SLC26A5: variants seen among roughly 807,000 people sequenced by gnomAD.
SLC26A5 encodes the protein solute carrier family 26 member 5.
Under a neutral mutation model 81.0 loss-of-function variants are expected in SLC26A5, and 51 were observed. That is an observed-to-expected ratio of 0.63 (90% CI 0.50 to 0.80). SLC26A5 has a LOEUF of 0.80. Among genes scored for constraint, SLC26A5 ranks in the 30% least tolerant of loss-of-function variants. SLC26A5 has a pLI of 0.00. For missense variants in SLC26A5, 771 were observed against 905.8 expected, an observed-to-expected ratio of 0.85 and a Z score of 1.91; for synonymous variants, 325 against 332.8, an observed-to-expected ratio of 0.98 and a Z score of 0.25.
chr7:103,388,883 C>A (rs1586243835), intron 14 of SLC26A5, 125 bp downstream of exon 14: 1 of 715,970 alleles, frequency 1.4e-6, no homozygotes, highest in East Asian at 2.8e-5. Context: ...TTATAGCTCC[C>A]TCTCACGCTA....
intron 16 of SLC26A5, among the ~76,000 whole-genome samples, chr7:103,378,917 A>G (rs556712255): frequency 3.8e-4 from 58 of 152,248 alleles, no homozygotes; most frequent in African/African-American, 1.4e-3. Context: ...AAAGGAATCT[A>G]CATGATCCCA....
chr7:103,395,542 A>T (rs1211033292), intron 9 of SLC26A5, among the ~76,000 whole-genome samples: 11 of 98,892 alleles, frequency 1.1e-4, no homozygotes, highest in African/African-American at 3.1e-4. Context: ...TTTTTTTTTG[A>T]GATGGTGTTT....
intron 19 of SLC26A5, among the ~76,000 whole-genome samples, chr7:103,357,183 G>C (rs1820082834): frequency 6.6e-6 from 1 of 152,002 alleles, no homozygotes. Context: ...AAAATTAACT[G>C]GGTGTGGTGG....
chr7:103,384,171 G>C (rs1343682438), intron 14 of SLC26A5, among the ~76,000 whole-genome samples: 1 of 151,900 alleles, frequency 6.6e-6, no homozygotes, highest in African/African-American at 2.4e-5. Context: ...TTTGGTAGAG[G>C]CATGGTCTTA....
At chr7:103,363,346 G>A in intron 19 of SLC26A5, 1 of 1,611,086 alleles carries the variant, frequency 6.2e-7, no homozygotes, top group Non-Finnish European at 8.5e-7. Flanking sequence ...TCTCTTAGGT[G>A]GAAGAGAAAC....
chr7:103,362,708 A>G (rs771485377), intron 19 of SLC26A5: 1 of 1,606,100 alleles, frequency 6.2e-7, no homozygotes, highest in East Asian at 2.2e-5. Flanking sequence ...TAAATATCAA[A>G]TTCACATTCC....
Position 103,367,343 on chromosome 7 carries a change from A to T in SLC26A5, c.2041+9465T>A. 6.8e-7 allele frequency: 1 copy of T among 1,464,962 alleles called. No homozygotes were observed. The highest frequency in any genetic ancestry group is 9.5e-7 in the Non-Finnish European group (1 of 1,052,234). 90.7% of individuals were successfully genotyped at this position (1,464,962 alleles called of 1,614,324 possible). ...CATGATTTGAGCTGAGATTTTTGGTACTTTCAGGTCATGCATAGTGCTACT... is the reference window on the plus strand; with the variant it reads ...CATGATTTGAGCTGAGATTTTTGGTTCTTTCAGGTCATGCATAGTGCTACT... On this transcript the variant is annotated intron_variant, in intron 19 of 19. Transcript: ENST00000339444. This position sits in a 1 kb window ranked among gnomAD's most constrained non-coding sequence, Gnocchi z 6.1.
chr7:103,440,516 T>C (rs548041764), intron 2 of SLC26A5, among the ~76,000 whole-genome samples: 218 of 152,382 alleles, frequency 1.4e-3, no homozygotes, highest in African/African-American at 5.1e-3. Context: ...GTTGAAATTA[T>C]GACAAATCTA....
intron 9 of SLC26A5, among the ~76,000 whole-genome samples, chr7:103,396,595 G>C (rs1476930928): frequency 4.6e-5 from 7 of 152,186 alleles, no homozygotes; most frequent in African/African-American, 1.7e-4. Context: ...AATGCTGTAT[G>C]ATTCCACTTA....
At chr7:103,423,607 T>A (rs577807294) in intron 2 of SLC26A5, among the ~76,000 whole-genome samples, 23 of 152,248 alleles carry the variant, frequency 1.5e-4, no homozygotes, top group Non-Finnish European at 3.1e-4. Flanking sequence ...TTCACCCCCT[T>A]TCATCCCTTC....
chr7:103,382,610 A>G lies in SLC26A5; in HGVS notation c.1515-2061T>C, dbSNP rs1484542011. 2.0e-5 allele frequency among the ~76,000 whole-genome samples: 3 copies of G among 152,072 alleles called. No individual in the cohort carries two copies. In the East Asian group the frequency reaches 5.8e-4, roughly 29 times the overall value. On this transcript the variant is annotated intron_variant, in intron 14 of 19. Coordinates refer to ENST00000306312, the MANE Select transcript of SLC26A5 (RefSeq NM_198999.3). ...AGTCATCTACCCACCTCGGCCTCCC[A>G]AAGTGCCAGGATTACAGACAGGCAT... is the stretch of plus-strand genomic sequence containing the variant.
At chr7:103,363,014 G>C (rs530597545) in intron 19 of SLC26A5, among the ~76,000 whole-genome samples, 21 of 152,024 alleles carry the variant, frequency 1.4e-4, no homozygotes, top group Middle Eastern at 3.4e-3. Context: ...GACTGGTTTC[G>C]AACTCATGAC....
chr7:103,419,141 G>C (rs1350695771), intron 4 of SLC26A5, among the ~76,000 whole-genome samples: 1 of 152,164 alleles, frequency 6.6e-6, no homozygotes, highest in Non-Finnish European at 1.5e-5. Context: ...TGCCATGATT[G>C]TGAGGCCTCC....
chr7:103,377,676 C>A lies in SLC26A5; in HGVS notation c.1909G>T (p.Asp637Tyr). Residue 637 changes from aspartate to tyrosine, a missense_variant, in exon 18 of 20, where the codon GAT becomes TAT. Physicochemically the swap from Asp to Tyr is radical, Grantham distance 160. Transcript: ENST00000306312. ...EEMQRFMPPG[D>Y]NVHTVILDFT... is the part of the protein sequence containing the mutation. ...TCCAAAATGACAGTGTGGACGTTAT[C>A]CCCTGGGGGCATAAATCTTTGCATT... is the stretch of plus-strand genomic sequence containing the variant. The A allele has an allele frequency of 6.2e-7, 1 of 1,614,052 alleles. No individual in the cohort carries two copies. Among genetic ancestry groups the A allele is most frequent in the Non-Finnish European group, 8.5e-7 (1 of 1,179,992 alleles).
At chr7:103,390,222 A>G (rs1244789244) in intron 12 of SLC26A5, among the ~76,000 whole-genome samples, 5 of 152,174 alleles carry the variant, frequency 3.3e-5, no homozygotes, top group Non-Finnish European at 7.3e-5. Context: ...CGAGACTCAG[A>G]GGAGTTAAGA....
chr7:103,353,014 CAT>C (rs1586136568), intron 19 of SLC26A5: 1 of 776,838 alleles, frequency 1.3e-6, no homozygotes, highest in East Asian at 2.4e-5. Context: ...CATGAAAGCA[CAT>C]GAGTATTGAT....
intron 19 of SLC26A5, among the ~76,000 whole-genome samples, chr7:103,365,707 A>G (rs1231763598): frequency 1.3e-5 from 2 of 152,072 alleles, no homozygotes; most frequent in Non-Finnish European, 2.9e-5. Context: ...AGACGGGTGG[A>G]ACATGAGGTC....
chr7:103,353,998 G>A, intron 19 of SLC26A5: 1 of 1,467,082 alleles, frequency 6.8e-7, no homozygotes, highest in Non-Finnish European at 9.3e-7. Flanking sequence ...GATGTTTTAT[G>A]TTGAAATAAA....
At chr7:103,381,161 A>G (rs1821750126) in intron 14 of SLC26A5, among the ~76,000 whole-genome samples, 1 of 151,584 alleles carries the variant, frequency 6.6e-6, no homozygotes, top group Non-Finnish European at 1.5e-5. Flanking sequence ...CACCATGCAC[A>G]TACATACCAC....
Sources: gnomAD v4.1 joint callset for allele counts (sites outside exome capture counted in the v4.1 genomes callset) on GRCh38, gnomAD v4.1.1 for gene constraint, Gnocchi (gnomAD v3.1) non-coding constraint, MANE v1.5 for transcripts, NCBI Gene and HGNC (gene_info 2026-07-23, HGNC 2026-07-21) for gene names.